Variants in APAF1 observed in about 807,000 individuals in gnomAD.
APAF1 encodes the protein apoptotic peptidase activating factor 1.
In APAF1, 91 loss-of-function variants were observed where a neutral mutation model predicts 152.4. The observed-to-expected ratio is 0.60, with a 90% CI of 0.50 to 0.71. The LOEUF (loss-of-function observed/expected upper bound fraction) is 0.71. Among genes scored for constraint, APAF1 ranks in the 30% least tolerant of loss-of-function variants. APAF1 has a pLI of 0.00. For synonymous variants in APAF1, 484 were observed against 494.1 expected, an observed-to-expected ratio of 0.98 and a Z score of 0.27; for missense variants, 1,283 against 1,472.0, an observed-to-expected ratio of 0.87 and a Z score of 2.10.
At chr12:98,701,858 T>C (rs940635451) in intron 17 of APAF1, among the ~76,000 whole-genome samples, 4 of 152,332 alleles carry the variant, frequency 2.6e-5, no homozygotes, top group Admixed American at 2.6e-4. Context: ...TTAGGTCTTT[T>C]TTCTTTTACT....
chr12:98,698,534 G>T (rs540514304), intron 16 of APAF1, among the ~76,000 whole-genome samples: 5 of 152,226 alleles, frequency 3.3e-5, no homozygotes, highest in African/African-American at 1.2e-4. Context: ...GAAAAGTTTT[G>T]GTTTTGGCCA....
chr12:98,648,640 A>G lies in APAF1; in HGVS notation c.153A>G (p.Gln51=), dbSNP rs1401454347. Residue 51 remains glutamine, a synonymous_variant, in exon 3 of 27, where the codon CAA becomes CAG. Coordinates refer to ENST00000551964, the MANE Select transcript of APAF1 (RefSeq NM_181861.2). Reference sequence around the variant, plus strand: ...ATTTTTTTTAGCCCACTCAACAGCAAAGAGCAGCTATGCTGATTAAAATGA... The same window carrying G: ...ATTTTTTTTAGCCCACTCAACAGCAGAGAGCAGCTATGCTGATTAAAATGA... ...EKVRNEPTQQ[Q]RAAMLIKMIL... is the part of the protein sequence containing the mutation. 2 of 1,613,568 alleles carry G rather than the reference A, an allele frequency of 1.2e-6. No homozygotes were observed. The highest frequency in any genetic ancestry group is 1.3e-5 in the African/African-American group (1 of 74,926).
At chr12:98,692,157 A>C (rs2097704944) in intron 16 of APAF1, among the ~76,000 whole-genome samples, 1 of 152,106 alleles carries the variant, frequency 6.6e-6, no homozygotes, top group African/African-American at 2.4e-5. Flanking sequence ...ATCTCGGCTC[A>C]CTGCAAGCTC....
At chr12:98,696,585 A>G (rs544706972) in intron 16 of APAF1, among the ~76,000 whole-genome samples, 1 of 152,212 alleles carries the variant, frequency 6.6e-6, no homozygotes, top group East Asian at 1.9e-4. Flanking sequence ...TGCATCTTTA[A>G]CACCTGAACC....
intron 5 of APAF1, among the ~76,000 whole-genome samples, chr12:98,660,426 ACT>A (rs2097663612): frequency 6.6e-6 from 1 of 151,846 alleles, no homozygotes; most frequent in Non-Finnish European, 1.5e-5. Flanking sequence ...TATACGTGTA[ACT>A]CTTCTACTTC....
At chr12:98,693,178 G>T (rs1212476547) in intron 16 of APAF1, among the ~76,000 whole-genome samples, 6 of 151,262 alleles carry the variant, frequency 4.0e-5, no homozygotes, top group Admixed American at 6.6e-5. Flanking sequence ...TTATTTTTTT[G>T]TGTGTGGCTA....
intron 15 of APAF1, among the ~76,000 whole-genome samples, chr12:98,686,172 T>G (rs77001512): frequency 0.084 from 12,782 of 152,274 alleles, 719 homozygotes; most frequent in East Asian, 0.25. Flanking sequence ...ACAAACTTTA[T>G]GTAGCATTTG....
chr12:98,665,278 A>ATATATATATATATATAT (rs1491316422), intron 7 of APAF1, among the ~76,000 whole-genome samples: 17 of 65,988 alleles, frequency 2.6e-4, no homozygotes, highest in South Asian at 5.3e-4. Flanking sequence ...ATATATATAT[A>ATATATATATATATATAT]TTTTTTTTTT....
intron 22 of APAF1, among the ~76,000 whole-genome samples, chr12:98,718,190 A>G (rs1037077715): frequency 1.3e-5 from 2 of 151,086 alleles, no homozygotes; most frequent in Non-Finnish European, 3.0e-5. Flanking sequence ...TTTTTTTCCC[A>G]TAGTAACTTT....
chr12:98,727,036 GT>G (rs2097751573), intron 25 of APAF1, 136 bp from the exon 26 acceptor site: 2 of 732,052 alleles, frequency 2.7e-6, no homozygotes, highest in Non-Finnish European at 4.5e-6. Context: ...GGCAATATTA[GT>G]ATCTGTGTTA....
At chr12:98,650,541 G>A (rs999755033) in intron 4 of APAF1, among the ~76,000 whole-genome samples, 2 of 151,048 alleles carry the variant, frequency 1.3e-5, no homozygotes, top group African/African-American at 2.4e-5. Flanking sequence ...CATGATCTAC[G>A]GTTAAGACAG....
intron 4 of APAF1, among the ~76,000 whole-genome samples, chr12:98,650,077 G>A (rs1248124842): frequency 1.3e-5 from 2 of 152,166 alleles, no homozygotes; most frequent in Non-Finnish European, 2.9e-5. Context: ...AGGAATAGTT[G>A]TATAGCTCCA....
chr12:98,683,378 A>G (rs886859929), intron 15 of APAF1, 104 bp downstream of exon 15: 46 of 1,167,106 alleles, frequency 3.9e-5, no homozygotes, highest in African/African-American at 1.7e-4. Context: ...TCTGGTCACA[A>G]TGATAGAAAC....
At chr12:98,695,564 A>T (rs1451140722) in intron 16 of APAF1, among the ~76,000 whole-genome samples, 1 of 151,872 alleles carries the variant, frequency 6.6e-6, no homozygotes, top group Admixed American at 6.6e-5. Flanking sequence ...GTAGGATATG[A>T]CTCTGGCCAG....
chr12:98,671,444 T>G, intron 11 of APAF1, 91 bp from the exon 12 acceptor site: 2 of 1,254,512 alleles, frequency 1.6e-6, no homozygotes, highest in Non-Finnish European at 2.3e-6. Context: ...AATATTTCAT[T>G]TAAGCTTTTA....
At position 98,671,038 on chromosome 12, in the gene APAF1, T is replaced by C. The variant is rs551580001; in HGVS notation, c.1560T>C (p.Ala520=). 42 of 1,612,610 alleles carry C rather than the reference T, an allele frequency of 2.6e-5. 1 individual carries two copies. In the South Asian group the frequency reaches 2.6e-4, roughly 10 times the overall value. Residue 520 remains alanine, a synonymous_variant, in exon 11 of 27, where the codon GCT becomes GCC. Transcript: ENST00000551964. Reference sequence around the variant, plus strand: ...CAAAAACAGAACTTGTAGGCCCTGCTCATCTGATTCATGAATTTGTGGAAT... The same window carrying C: ...CAAAAACAGAACTTGTAGGCCCTGCCCATCTGATTCATGAATTTGTGGAAT... ...IKAKTELVGP[A]HLIHEFVEYR... is the part of the protein sequence containing the mutation.
At chr12:98,727,770 G>A (rs6538880) in intron 26 of APAF1, among the ~76,000 whole-genome samples, 135,649 of 151,600 alleles carry the variant, frequency 0.89, 60,752 homozygotes, top group African/African-American at 0.94. Context: ...GCGAAACCCT[G>A]TCTCTACTAA....
chr12:98,680,472 C>G, intron 14 of APAF1, 70 bp downstream of exon 14: 1 of 1,489,696 alleles, frequency 6.7e-7, no homozygotes, highest in Non-Finnish European at 9.2e-7. Context: ...GATCATGAGA[C>G]CAGAGTAAGT....
At chr12:98,666,502 A>G (rs1260769587) in intron 9 of APAF1, 145 bp downstream of exon 9, 2 of 785,580 alleles carry the variant, frequency 2.5e-6, no homozygotes, top group East Asian at 2.7e-5. Flanking sequence ...ATATAACCAT[A>G]GTACAGTTGT....
Sources: allele counts gnomAD v4.1 joint callset (sites outside exome capture counted in the v4.1 genomes callset), GRCh38; gene constraint gnomAD v4.1.1; transcripts MANE v1.5; gene names NCBI Gene and HGNC (gene_info 2026-07-23, HGNC 2026-07-21).